Variants in CDC123 observed in about 807,000 individuals in gnomAD.
The protein encoded by CDC123 is translation initiation factor eIF2 assembly protein.
CDC123 carries 37 observed loss-of-function variants against 54.4 expected under a neutral mutation model. The ratio of observed to expected loss-of-function variants is 0.68; its 90% CI spans 0.52 to 0.89. The LOEUF (loss-of-function observed/expected upper bound fraction) is 0.89. Among genes scored for constraint, CDC123 ranks in the 40% least tolerant of loss-of-function variants. The pLI, the probability that CDC123 is intolerant of heterozygous loss-of-function variation, is 0.00. For missense variants in CDC123, 361 were observed against 412.1 expected (o/e 0.88, Z 1.07); for synonymous variants, 144 against 136.8 (o/e 1.05, Z -0.37).
intron 2 of CDC123, among the ~76,000 whole-genome samples, chr10:12,205,664 C>T (rs756522239): frequency 4.6e-5 from 7 of 152,218 alleles, no homozygotes; most frequent in Non-Finnish European, 8.8e-5. Flanking sequence ...CCTCTAGAGC[C>T]ACTGCTCTGG....
chr10:12,196,256 A>G lies in CDC123; in HGVS notation c.11A>G (p.Glu4Gly). Reference protein sequence around the residue: MKKEHVLHCQFSAW... With the variant: MKKGHVLHCQFSAW... ...GGCGGCAGCTGGAGGATGAAGAAGG[A>G]GCATGTGCTTCACTGCCAGTTCTCC... Residue 4 changes from glutamate to glycine, a missense_variant, in exon 1 of 13, where the codon GAG (glutamate) becomes GGG (glycine). Glu to Gly is a moderately conservative substitution (Grantham distance 98). Coordinates refer to ENST00000281141, the MANE Select transcript of CDC123 (RefSeq NM_006023.3). 6.2e-7 allele frequency: 1 copy of G among 1,613,878 alleles called. No individual in the cohort carries two copies. The highest frequency in any genetic ancestry group is 8.5e-7 in the Non-Finnish European group (1 of 1,179,884).
intron 10 of CDC123, among the ~76,000 whole-genome samples, chr10:12,242,875 G>A (rs1340087720): frequency 6.6e-6 from 1 of 152,010 alleles, no homozygotes; most frequent in Non-Finnish European, 1.5e-5. Context: ...CCAGGAGGAG[G>A]AGGTTGCAAT....
At chr10:12,217,657 A>G (rs1835680021) in intron 6 of CDC123, among the ~76,000 whole-genome samples, 190 bp downstream of exon 6, 1 of 152,256 alleles carries the variant, frequency 6.6e-6, no homozygotes, top group Admixed American at 6.5e-5. Flanking sequence ...TATAATGAAT[A>G]TCTGAAAATG....
chr10:12,246,347 C>T (rs530777763), intron 11 of CDC123, 70 bp downstream of exon 11: 344 of 1,563,800 alleles, frequency 2.2e-4, no homozygotes, highest in Middle Eastern at 3.4e-4. Context: ...GTTCTTCAGA[C>T]GCATAGGTAG....
At chr10:12,218,312 T>C (rs1426985758) in intron 6 of CDC123, among the ~76,000 whole-genome samples, 3 of 147,382 alleles carry the variant, frequency 2.0e-5, no homozygotes, top group African/African-American at 7.5e-5. Context: ...AGTGGCACGA[T>C]CTCAGCTCAG....
chr10:12,226,466 G>A (rs1259759463), intron 6 of CDC123, among the ~76,000 whole-genome samples: 3 of 151,934 alleles, frequency 2.0e-5, no homozygotes, highest in Non-Finnish European at 2.9e-5. Flanking sequence ...CAGACGGGGC[G>A]GCTGCTGGGC....
intron 6 of CDC123, among the ~76,000 whole-genome samples, chr10:12,226,813 G>C (rs1421793434): frequency 6.6e-6 from 1 of 151,528 alleles, no homozygotes; most frequent in Non-Finnish European, 1.5e-5. Context: ...CCCAGACGAT[G>C]GGCGGCCAGG....
chr10:12,205,527 A>T (rs1835507431), intron 2 of CDC123, among the ~76,000 whole-genome samples: 3 of 152,236 alleles, frequency 2.0e-5, no homozygotes, highest in African/African-American at 7.2e-5. Flanking sequence ...CATTAGGCAT[A>T]TTCATATTTT....
intron 10 of CDC123, among the ~76,000 whole-genome samples, chr10:12,238,786 G>A (rs141874570): frequency 1.8e-3 from 274 of 152,166 alleles, no homozygotes; most frequent in African/African-American, 6.4e-3. Context: ...TTGGGAGGCC[G>A]AGGTGGGAGG....
At chr10:12,196,465 C>T (rs1835348153) in intron 1 of CDC123, 146 bp downstream of exon 1, 7 of 1,131,426 alleles carry the variant, frequency 6.2e-6, no homozygotes, top group Admixed American at 4.1e-5. Context: ...CAGCAATTGT[C>T]TGCGTCCTGT....
chr10:12,246,458 C>T, intron 11 of CDC123, 181 bp downstream of exon 11: 2 of 572,148 alleles, frequency 3.5e-6, no homozygotes, highest in Non-Finnish European at 6.1e-6. Context: ...CCCCACTTAA[C>T]TTTATATACA....
At chr10:12,205,292 A>G (rs952892865) in intron 2 of CDC123, among the ~76,000 whole-genome samples, 1 of 152,156 alleles carries the variant, frequency 6.6e-6, no homozygotes, top group Non-Finnish European at 1.5e-5. Context: ...CATTGTGTAT[A>G]TGTACCACAT....
At chr10:12,198,220 C>G (rs1835392088) in intron 1 of CDC123, among the ~76,000 whole-genome samples, 1 of 152,160 alleles carries the variant, frequency 6.6e-6, no homozygotes, top group African/African-American at 2.4e-5. Context: ...CAAGACACAT[C>G]CAAAAGTATC....
At chr10:12,225,746 C>CTCTT (rs1835803365) in intron 6 of CDC123, among the ~76,000 whole-genome samples, 1 of 66,928 alleles carries the variant, frequency 1.5e-5, no homozygotes, top group Non-Finnish European at 2.4e-5. Flanking sequence ...TAGCTTCTCT[C>CTCTT]TTTTTTTTTT....
chr10:12,204,281 C>G (rs540820121), intron 2 of CDC123, among the ~76,000 whole-genome samples: 183 of 152,154 alleles, frequency 1.2e-3, no homozygotes, highest in African/African-American at 4.0e-3. Flanking sequence ...TCTTCTTGGT[C>G]ACGAGTTCTT....
Position 12,210,018 on chromosome 10 carries a change from A to G in CDC123, c.198A>G (p.Glu66=), listed in dbSNP as rs1835576580. 4 of 1,614,044 alleles carry G rather than the reference A, an allele frequency of 2.5e-6. No homozygotes were observed. The highest frequency in any genetic ancestry group is 3.4e-6 in the Non-Finnish European group (4 of 1,179,984). The change falls in exon 3 of 13, where the codon GAA becomes GAG. Residue 66 remains glutamate (E), a synonymous_variant. Coordinates refer to ENST00000281141, the MANE Select transcript of CDC123 (RefSeq NM_006023.3). ...CAGACAGTGATGATGAAGCAGAAGA[A>G]ATACAGGTTGGTACCAAATAAAATA... The part of the protein sequence containing the change: ...SQPDSDDEAE[E]IQWSDDENTA...
chr10:12,212,116 G>A (rs1354436748), intron 4 of CDC123, among the ~76,000 whole-genome samples: 11 of 152,056 alleles, frequency 7.2e-5, no homozygotes, highest in Admixed American at 6.6e-4. Flanking sequence ...AAATAAATAT[G>A]TATAGATGAT....
At chr10:12,236,882 C>T (rs1564257286) in intron 8 of CDC123, among the ~76,000 whole-genome samples, 1 of 137,004 alleles carries the variant, frequency 7.3e-6, no homozygotes, top group Non-Finnish European at 1.5e-5. Context: ...TAGAGTGAGA[C>T]TCCGTCTCAA....
At chr10:12,241,529 A>G (rs1008199460) in intron 10 of CDC123, among the ~76,000 whole-genome samples, 1 of 152,088 alleles carries the variant, frequency 6.6e-6, no homozygotes, top group African/African-American at 2.4e-5. Context: ...GCATCAATAT[A>G]TTTATTTTAT....
Sources: allele counts gnomAD v4.1 joint callset (sites outside exome capture counted in the v4.1 genomes callset), GRCh38; gene constraint gnomAD v4.1.1; transcripts MANE v1.5; gene names NCBI Gene and HGNC (gene_info 2026-07-23, HGNC 2026-07-21).